BICD1: variants seen among roughly 807,000 people sequenced by gnomAD.
BICD1 encodes the protein BICD cargo adaptor 1.
In BICD1, 35 loss-of-function variants were observed where a neutral mutation model predicts 92.5. The observed-to-expected ratio is 0.38, with a 90% CI of 0.29 to 0.50. The LOEUF is 0.50. BICD1 is among the 20% of genes least tolerant of loss of function. BICD1 has a pLI of 0.93. For missense variants in BICD1, 950 were observed against 1,189.8 expected (o/e 0.80, Z 2.97); for synonymous variants, 429 against 465.1 (o/e 0.92, Z 1.00).
At chr12:32,180,215 A>T (rs1944232955) in intron 1 of BICD1, among the ~76,000 whole-genome samples, 2 of 150,470 alleles carry the variant, frequency 1.3e-5, no homozygotes, top group Admixed American at 1.3e-4. Context: ...CAGCTCTGCG[A>T]CTCCTCTTAA....
At chr12:32,150,881 A>G (rs1943268660) in intron 1 of BICD1, among the ~76,000 whole-genome samples, 1 of 152,178 alleles carries the variant, frequency 6.6e-6, no homozygotes, top group African/African-American at 2.4e-5. Flanking sequence ...CTCATGGCAA[A>G]TTCATTGACT....
intron 1 of BICD1, among the ~76,000 whole-genome samples, chr12:32,144,643 T>G (rs1943049553): frequency 6.6e-6 from 1 of 152,256 alleles, no homozygotes; most frequent in Non-Finnish European, 1.5e-5. Flanking sequence ...TAGTAATTGC[T>G]TTCATTAATC....
rs910729938 is a variant in BICD1 at position 32,358,629 on chromosome 12, T to C, written c.2765-9041T>C. Among the ~76,000 whole-genome samples the C allele has an allele frequency of 2.0e-5, 3 of 151,632 alleles. No individual in the cohort carries two copies. The East Asian group carries it at 5.9e-4, about 30-fold the overall frequency. On this transcript the variant is annotated intron_variant, in intron 8 of 9. Coordinates refer to ENST00000652176, the MANE Select transcript of BICD1 (RefSeq NM_001714.4). ...GTGCATGCCTGTAGTCCCAGCTACT[T>C]AGGAGGCTGAGGCAGGAGAATCACT...
At chr12:32,257,303 G>T (rs1485898105) in intron 2 of BICD1, among the ~76,000 whole-genome samples, 3 of 151,922 alleles carry the variant, frequency 2.0e-5, no homozygotes, top group Non-Finnish European at 4.4e-5. Flanking sequence ...TGGAGAAAAG[G>T]TTGGACATTT....
intron 9 of BICD1, among the ~76,000 whole-genome samples, chr12:32,373,924 T>C (rs1471569787): frequency 6.7e-6 from 1 of 150,168 alleles, no homozygotes; most frequent in Non-Finnish European, 1.5e-5. Flanking sequence ...CAAAAACATA[T>C]CTTTCTTGGG....
chr12:32,223,642 A>C (rs1291043336), intron 2 of BICD1, among the ~76,000 whole-genome samples: 2 of 151,994 alleles, frequency 1.3e-5, no homozygotes, highest in Non-Finnish European at 2.9e-5. Flanking sequence ...CTTATCATTC[A>C]TGTGTCAATG....
chr12:32,361,102 C>T (rs79281227), intron 8 of BICD1, among the ~76,000 whole-genome samples: 6,608 of 152,218 alleles, frequency 0.043, 464 homozygotes, highest in African/African-American at 0.15. Flanking sequence ...ACTGGGATGT[C>T]TCAGATAAGA....
At chr12:32,329,956 A>G (rs774700517) in intron 5 of BICD1, among the ~76,000 whole-genome samples, 3 of 152,196 alleles carry the variant, frequency 2.0e-5, no homozygotes, top group Non-Finnish European at 4.4e-5. Context: ...AAGAGAAGCA[A>G]CAAAGCACCA....
intron 2 of BICD1, among the ~76,000 whole-genome samples, chr12:32,220,115 C>T (rs1486545201): frequency 7.6e-4 from 115 of 152,262 alleles, no homozygotes; most frequent in Non-Finnish European, 1.2e-3. Context: ...AAGACTTAAA[C>T]GTTAGACCTA....
At chr12:32,270,664 AT>A (rs1286545744) in intron 2 of BICD1, among the ~76,000 whole-genome samples, 1 of 152,226 alleles carries the variant, frequency 6.6e-6, no homozygotes, top group African/African-American at 2.4e-5. Flanking sequence ...AACACCACCC[AT>A]ACACACTGAA....
intron 8 of BICD1, among the ~76,000 whole-genome samples, chr12:32,342,117 CATATATATGTATAT>C (rs1938388793): frequency 1.2e-5 from 1 of 82,268 alleles, no homozygotes; most frequent in Admixed American, 1.1e-4. Context: ...CATTGTTTTA[CATATATATGTATAT>C]ATATATGTGT....
chr12:32,358,662 G>A (rs913527328), intron 8 of BICD1, among the ~76,000 whole-genome samples: 25 of 151,936 alleles, frequency 1.6e-4, no homozygotes, highest in African/African-American at 4.1e-4. Context: ...ACTTGAACCC[G>A]GGAGGCGGAG....
At position 32,337,937 on chromosome 12, in the gene BICD1, G is replaced by A. The variant is rs1307845152; in HGVS notation, c.2570+121G>A. On this transcript the variant is annotated intron_variant, in intron 7 of 9. Transcript: ENST00000652176. This position sits in a 1 kb window ranked among gnomAD's most constrained non-coding sequence, Gnocchi z 4.7. ...GAAGCAAAAGAAAAAATGGGAGCTG[G>A]CATATAAATGGTCTTGCTAATGTGG... 6 of 1,094,832 alleles carry A rather than the reference G, an allele frequency of 5.5e-6. No homozygotes were observed. The Admixed American group carries it at 1.4e-4, about 25-fold the overall frequency. 67.8% of individuals were successfully genotyped at this position (1,094,832 alleles called of 1,614,324 possible).
intron 2 of BICD1, among the ~76,000 whole-genome samples, chr12:32,279,798 A>G (rs991347228): frequency 2.0e-5 from 3 of 152,218 alleles, no homozygotes; most frequent in East Asian, 1.9e-4. Flanking sequence ...CACTTTCTTC[A>G]TATGAATTAA....
At chr12:32,135,681 T>C (rs754480630) in intron 1 of BICD1, among the ~76,000 whole-genome samples, 1 of 152,282 alleles carries the variant, frequency 6.6e-6, no homozygotes, top group East Asian at 1.9e-4. Context: ...ATTACAGGCA[T>C]GAACCTTCAC....
intron 4 of BICD1, among the ~76,000 whole-genome samples, chr12:32,311,567 C>A (rs563053624): frequency 1.2e-4 from 18 of 152,222 alleles, no homozygotes; most frequent in African/African-American, 4.3e-4. Flanking sequence ...GCGGGGGCTT[C>A]CAGGCTATAG....
At chr12:32,354,213 G>T (rs1288478806) in intron 8 of BICD1, 1 of 152,200 alleles carries the variant, frequency 6.6e-6, no homozygotes, top group Non-Finnish European at 1.5e-5. Flanking sequence ...ATGGGTGAAA[G>T]GTTTTGTCAA....
intron 2 of BICD1, among the ~76,000 whole-genome samples, chr12:32,282,208 T>C (rs1274157625): frequency 1.6e-4 from 2 of 12,582 alleles, no homozygotes; most frequent in African/African-American, 5.3e-4. Flanking sequence ...TCTTCTTTTT[T>C]TTTTTTTTTT....
chr12:32,293,907 A>G, intron 2 of BICD1, 87 bp from the exon 3 acceptor site: 1 of 1,340,600 alleles, frequency 7.5e-7, no homozygotes, highest in Non-Finnish European at 1.0e-6. Context: ...AGGTGTTTTT[A>G]TTATTATTTT....
Sources: allele counts gnomAD v4.1 joint callset (sites outside exome capture counted in the v4.1 genomes callset), GRCh38; gene constraint gnomAD v4.1.1; non-coding constraint Gnocchi (gnomAD v3.1); transcripts MANE v1.5; gene names NCBI Gene and HGNC (gene_info 2026-07-23, HGNC 2026-07-21).